Variants in SIK2 observed in about 807,000 individuals in gnomAD.
SIK2 encodes the protein salt inducible kinase 2, also known as serine/threonine-protein kinase SIK2.
In SIK2, 29 loss-of-function variants were observed where a neutral mutation model predicts 103.2. That is an observed-to-expected ratio of 0.28 (90% CI 0.21 to 0.38). The LOEUF (loss-of-function observed/expected upper bound fraction) is 0.38, where lower values mean the gene tolerates loss of function less well. Ranked by LOEUF, SIK2 falls within the 10% of genes least tolerant of loss-of-function variation. The pLI is 1.00. For missense variants in SIK2, 879 were observed against 1,171.0 expected (o/e 0.75, Z 3.64); for synonymous variants, 412 against 446.1 (o/e 0.92, Z 0.96).
intron 9 of SIK2, among the ~76,000 whole-genome samples, chr11:111,715,007 C>G (rs1247717110): frequency 6.6e-6 from 1 of 152,232 alleles, no homozygotes; most frequent in Non-Finnish European, 1.5e-5. Flanking sequence ...TGGGCACTGA[C>G]TGCTGTATTA....
rs1486854977 is a variant in SIK2 at position 111,701,650 on chromosome 11, CT to C, written c.727+82del. On this transcript the variant is annotated intron_variant, in intron 6 of 14. Coordinates refer to ENST00000304987, the MANE Select transcript of SIK2 (RefSeq NM_015191.3). This position sits in a 1 kb window ranked among gnomAD's most constrained non-coding sequence, Gnocchi z 4.2. ...AAGTGAAATGCCTAGGTAAAAGCTTCTTTTTTTCTAAGAGTTTGGGTGCCAA... is the reference window on the plus strand; with the variant it reads ...AAGTGAAATGCCTAGGTAAAAGCTTCTTTTTTCTAAGAGTTTGGGTGCCAA... 2.6e-6 allele frequency: 4 copies of C among 1,530,702 alleles called. No individual in the cohort carries two copies. Among genetic ancestry groups the C allele is most frequent in the Non-Finnish European group, 3.5e-6 (4 of 1,134,756 alleles). 94.8% of individuals were successfully genotyped at this position (1,530,702 alleles called of 1,614,324 possible). A position where few individuals can be genotyped will look rare whatever the true frequency, so the allele number is the denominator to read the frequency against.
At chr11:111,639,771 A>C (rs1804690737) in intron 3 of SIK2, among the ~76,000 whole-genome samples, 1 of 152,038 alleles carries the variant, frequency 6.6e-6, no homozygotes, top group Non-Finnish European at 1.5e-5. Context: ...TGGGAAGGGG[A>C]CTAAGACTTG....
At chr11:111,604,204 T>G (rs1433966131) in intron 1 of SIK2, among the ~76,000 whole-genome samples, 1 of 152,280 alleles carries the variant, frequency 6.6e-6, no homozygotes, top group Admixed American at 6.5e-5. Flanking sequence ...AAGAAATTGG[T>G]TCCATTCCTC....
At chr11:111,606,023 A>T (rs1037190864) in intron 1 of SIK2, among the ~76,000 whole-genome samples, 5 of 152,180 alleles carry the variant, frequency 3.3e-5, no homozygotes, top group Non-Finnish European at 7.4e-5. Flanking sequence ...GCATAATGGG[A>T]AAAGAATAAT....
intron 3 of SIK2, among the ~76,000 whole-genome samples, chr11:111,684,798 G>A (rs1254996029): frequency 1.3e-5 from 2 of 152,192 alleles, no homozygotes; most frequent in Non-Finnish European, 2.9e-5. Flanking sequence ...TAAGTGATCT[G>A]TTCTCCCTTA....
chr11:111,693,487 G>C (rs1436998896), intron 4 of SIK2, among the ~76,000 whole-genome samples: 1 of 152,228 alleles, frequency 6.6e-6, no homozygotes, highest in African/African-American at 2.4e-5. Flanking sequence ...GCTTTCAGTA[G>C]TTTTAGTAAT....
At chr11:111,645,362 C>T (rs1258459163) in intron 3 of SIK2, among the ~76,000 whole-genome samples, 1 of 152,000 alleles carries the variant, frequency 6.6e-6, no homozygotes, top group Non-Finnish European at 1.5e-5. Flanking sequence ...TATAGTCATA[C>T]AATACAGCAA....
intron 7 of SIK2, among the ~76,000 whole-genome samples, chr11:111,704,600 A>G (rs1943296940): frequency 1.3e-5 from 2 of 152,180 alleles, no homozygotes; most frequent in South Asian, 2.1e-4. Flanking sequence ...TGTTGAAGCC[A>G]TGGAATTAGA....
In SIK2 at chr11:111,602,507, G is replaced by A. The variant is rs1333668751; in HGVS notation, c.-57G>A. On this transcript the variant is annotated 5_prime_UTR_variant, in exon 1 of 15. Transcript: ENST00000304987. The surrounding 1 kb of genome is among the most constrained non-coding windows in gnomAD (Gnocchi z 4.5). ...GCCGTCGCCCAAGCCAAGCCGCGCT[G>A]CCAACCCTCCCGCCCGCCCGCGCTC... 3.4e-5 allele frequency: 48 copies of A among 1,415,842 alleles called. No individual in the cohort carries two copies. Among genetic ancestry groups the A allele is most frequent in the Non-Finnish European group, 4.2e-5 (46 of 1,087,168 alleles). The allele number at this position is 1,415,842 out of a possible 1,614,324, so 87.7% of individuals were successfully genotyped here.
chr11:111,659,883 C>CAAGGAGACACAACA, intron 3 of SIK2, among the ~76,000 whole-genome samples: 1 of 152,018 alleles, frequency 6.6e-6, no homozygotes, highest in Non-Finnish European at 1.5e-5. Flanking sequence ...GAGACGCAAC[C>CAAGGAGACACAACA]GTGTCAAGGA....
intron 1 of SIK2, among the ~76,000 whole-genome samples, chr11:111,608,240 A>G (rs112714995): frequency 2.6e-5 from 4 of 152,356 alleles, no homozygotes; most frequent in African/African-American, 9.6e-5. Context: ...TAAACTTGGA[A>G]ATTCCATCAG....
chr11:111,615,304 AG>A (rs1190802152), intron 1 of SIK2, among the ~76,000 whole-genome samples: 3 of 149,214 alleles, frequency 2.0e-5, no homozygotes, highest in Admixed American at 1.3e-4. Flanking sequence ...AAAAAAAAAA[AG>A]AAGAAAAGTT....
chr11:111,719,781 G>A lies in SIK2; in HGVS notation c.1273G>A (p.Gly425Ser), dbSNP rs908699490. The A allele has an allele frequency of 1.2e-6, 2 of 1,612,132 alleles. No individual in the cohort carries two copies. The highest frequency in any genetic ancestry group is 2.2e-5 in the East Asian group (1 of 44,842). The change falls in exon 10 of 15, where the codon GGC (glycine) becomes AGC (serine). Residue 425 changes from glycine to serine, a missense_variant. Gly to Ser is a moderately conservative substitution (Grantham distance 56). This residue lies in a region of SIK2 where 222 missense variants were observed against 258.0 expected (regional missense o/e 0.86). Transcript: ENST00000304987. ...TCTCTCCCCTGGCGTTTAGGTCAAT[G>A]GCTGTCTGCTTGACCCTGTGCCTCC... ...EECVDTPKVN[G>S]CLLDPVPPVL... is the part of the protein sequence containing the mutation.
rs1171203866 is a variant in SIK2, at chr11:111,602,771, C to T, written c.135+73C>T. 9.9e-6 allele frequency: 14 copies of T among 1,419,648 alleles called. No homozygotes were observed. Among genetic ancestry groups the T allele is most frequent in the Non-Finnish European group, 1.1e-5 (12 of 1,088,722 alleles). The allele number at this position is 1,419,648 out of a possible 1,614,324, so 87.9% of individuals were successfully genotyped here. On this transcript the variant is annotated intron_variant, in intron 1 of 14. Transcript: ENST00000304987. This position sits in a 1 kb window ranked among gnomAD's most constrained non-coding sequence, Gnocchi z 4.5. ...AGGAGCTGCTTACCGAGAGGGGCGG[C>T]CGCAGTGGTGGGACCGGGGAGACCC...
In SIK2 at chr11:111,722,525, G is replaced by T. The variant is rs532099942; in HGVS notation, c.2056-140G>T. 1.2e-5 allele frequency: 9 copies of T among 775,298 alleles called. No homozygotes were observed. Among genetic ancestry groups the T allele is most frequent in the Middle Eastern group, 3.9e-4 (1 of 2,578 alleles). 48.0% of individuals were successfully genotyped at this position (775,298 alleles called of 1,614,324 possible). A position where few individuals can be genotyped will look rare whatever the true frequency, so the allele number is the denominator to read the frequency against. On this transcript the variant is annotated intron_variant, in intron 13 of 14. Transcript: ENST00000304987. This position sits in a 1 kb window ranked among gnomAD's most constrained non-coding sequence, Gnocchi z 4.4. ...GCCCGATGCTCTTTCAGGGTCTCAGGGAGTAAATGTCAGTCCCTTCACCCC... is the reference window on the plus strand; with the variant it reads ...GCCCGATGCTCTTTCAGGGTCTCAGTGAGTAAATGTCAGTCCCTTCACCCC...
chr11:111,720,376 G>T, intron 10 of SIK2, 102 bp from the exon 11 acceptor site: 2 of 1,195,474 alleles, frequency 1.7e-6, no homozygotes, highest in East Asian at 2.5e-5. Context: ...TGGAAATTAA[G>T]GACATGGTAG....
rs1250172421 is a variant in SIK2, at chr11:111,688,152, C to T, written c.468C>T (p.Ile156=). 1.2e-6 allele frequency: 2 copies of T among 1,614,000 alleles called. No individual in the cohort carries two copies. The stretch of plus-strand genomic sequence containing the variant: ...TCCTGCTGGATAACAACATGAATAT[C>T]AAAATAGCAGGTAACTGGGACACAA... ...ENLLLDNNMN[I]KIADFGFGNF... is the part of the protein sequence containing the mutation. The change falls in exon 4 of 15, where the codon ATC becomes ATT. Residue 156 remains isoleucine, a synonymous_variant. Coordinates refer to ENST00000304987, the MANE Select transcript of SIK2 (RefSeq NM_015191.3). The surrounding 1 kb of genome is among the most constrained non-coding windows in gnomAD (Gnocchi z 4.2).
At chr11:111,698,666 G>A (rs543126507) in intron 4 of SIK2, among the ~76,000 whole-genome samples, 3 of 152,194 alleles carry the variant, frequency 2.0e-5, no homozygotes, top group East Asian at 1.9e-4. Context: ...AGCTGAGATC[G>A]TGCCATTGCA....
intron 3 of SIK2, among the ~76,000 whole-genome samples, chr11:111,645,497 G>C (rs1942243110): frequency 6.6e-6 from 1 of 152,196 alleles, no homozygotes; most frequent in Admixed American, 6.5e-5. Flanking sequence ...TGTAGTTTAG[G>C]ACTATGTGCG....
Sources: gnomAD v4.1 joint callset for allele counts (sites outside exome capture counted in the v4.1 genomes callset) on GRCh38, gnomAD v4.1.1 for gene constraint, gnomAD v4.1.1 regional missense constraint, Gnocchi (gnomAD v3.1) non-coding constraint, MANE v1.5 for transcripts, NCBI Gene and HGNC (gene_info 2026-07-23, HGNC 2026-07-21) for gene names.